The following BIK variants were observed in gnomAD, a reference collection of about 807,000 sequenced individuals.
The protein encoded by BIK is BCL2 interacting killer, also known as bcl-2-interacting killer.
In BIK, 14 loss-of-function variants were observed where a neutral mutation model predicts 12.1. That is an observed-to-expected ratio of 1.16 (90% CI 0.77 to 1.81). The LOEUF (loss-of-function observed/expected upper bound fraction) is 1.81. BIK is among the 40% of genes most tolerant of loss of function. The probability of loss-of-function intolerance (pLI) is 0.00; values close to 1 mark genes in which losing one functional copy is unlikely to be tolerated. For missense variants in BIK, 215 were observed against 207.9 expected, an observed-to-expected ratio of 1.03 and a Z score of -0.21; for synonymous variants, 86 against 92.3, an observed-to-expected ratio of 0.93 and a Z score of 0.39.
chr22:43,127,878 G>A, intron 3 of BIK, 83 bp downstream of exon 3: 2 of 1,314,860 alleles, frequency 1.5e-6, no homozygotes, highest in Non-Finnish European at 2.1e-6. Context: ...GCACAGGGCT[G>A]GGCCCTGAGG....
rs1039226514 is a variant in BIK at position 43,129,238 on chromosome 22, C to T, written c.416C>T (p.Ala139Val). Reference protein sequence around the residue: ...SWVSCEQVLLALLLLLALLLP... With the variant: ...SWVSCEQVLLVLLLLLALLLP... The stretch of plus-strand genomic sequence containing the variant: ...GTGTCCTGCGAACAGGTGCTGCTGG[C>T]GCTGCTGCTGCTGCTGGCGCTGCTG... The change falls in exon 5 of 5, where the codon GCG becomes GTG. Residue 139 changes from alanine (A) to valine (V), a missense_variant. Transcript: ENST00000216115. The T allele has an allele frequency of 9.5e-6, 15 of 1,585,908 alleles. No individual in the cohort carries two copies. The highest frequency in any genetic ancestry group is 2.2e-5 in the East Asian group (1 of 44,676).
At chr22:43,127,626 G>A (rs1389002869) in intron 2 of BIK, 71 bp from the exon 3 acceptor site, 2 of 1,376,582 alleles carry the variant, frequency 1.5e-6, no homozygotes, top group Non-Finnish European at 2.0e-6. Flanking sequence ...CAATCCGTTG[G>A]CTGGGTGGGT....
intron 4 of BIK, 38 bp from the exon 5 acceptor site, chr22:43,129,175 C>A (rs772466326): frequency 1.9e-6 from 3 of 1,601,212 alleles, no homozygotes; most frequent in Non-Finnish European, 2.5e-6. Flanking sequence ...ATTGCCGGGG[C>A]CTGCCCCGAG....
rs4988381 is a variant in BIK, at chr22:43,112,029, AGTTT to A, written c.-8+1230_-8+1233del. Among the ~76,000 whole-genome samples, 352 of 152,168 alleles carry A rather than the reference AGTTT, an allele frequency of 2.3e-3. 3 individuals carry two copies. The highest frequency in any genetic ancestry group is 7.6e-3 in the African/African-American group (314 of 41,524). On this transcript the variant is annotated intron_variant, in intron 1 of 4. Coordinates refer to ENST00000216115, the MANE Select transcript of BIK (RefSeq NM_001197.5). ...GGGCCACTCCATCTCTCTGAACCTC[AGTTT>A]GTTCTGTTCACTCTGCAAAATGTAT...
intron 1 of BIK, among the ~76,000 whole-genome samples, chr22:43,111,626 A>G (rs1930013986): frequency 6.6e-6 from 1 of 152,046 alleles, no homozygotes; most frequent in African/African-American, 2.4e-5. Flanking sequence ...TTCATTGTCA[A>G]TTTTGCTAGA....
intron 1 of BIK, among the ~76,000 whole-genome samples, chr22:43,112,422 C>T (rs1930029075): frequency 6.6e-6 from 1 of 151,974 alleles, no homozygotes; most frequent in Admixed American, 6.6e-5. Flanking sequence ...TAGTCTCGAA[C>T]TCCTGACCTC....
chr22:43,129,098 G>A lies in BIK; in HGVS notation c.391-115G>A. 6 of 1,558,248 alleles carry A rather than the reference G, an allele frequency of 3.9e-6. No homozygotes were observed. In the South Asian group the frequency reaches 4.5e-5, roughly 12 times the overall value. On this transcript the variant is annotated intron_variant, in intron 4 of 4. Coordinates refer to ENST00000216115, the MANE Select transcript of BIK (RefSeq NM_001197.5). ...AACTCCTTCCTTCTCTGGTCCCCTCGAGCTCCTTCCCAGTCCCCACCCTCC... is the reference window on the plus strand; with the variant it reads ...AACTCCTTCCTTCTCTGGTCCCCTCAAGCTCCTTCCCAGTCCCCACCCTCC...
intron 2 of BIK, among the ~76,000 whole-genome samples, chr22:43,125,694 C>G (rs1200079022): frequency 6.6e-6 from 1 of 151,660 alleles, no homozygotes; most frequent in Non-Finnish European, 1.5e-5. Context: ...TGCACTCCAG[C>G]CTGGGTAACA....
In BIK at chr22:43,129,244, TGCTGCTGCTGGC is replaced by T. The variant is rs762326871; in HGVS notation, c.433_444del (p.Ala145_Leu148del). 163 of 1,584,008 alleles carry T rather than the reference TGCTGCTGCTGGC, an allele frequency of 1.0e-4. No individual in the cohort carries two copies. The highest frequency in any genetic ancestry group is 1.8e-4 in the African/African-American group (13 of 72,932). On this transcript the variant is annotated inframe_deletion, in exon 5 of 5. Coordinates refer to ENST00000216115, the MANE Select transcript of BIK (RefSeq NM_001197.5). ...TGCGAACAGGTGCTGCTGGCGCTGC[TGCTGCTGCTGGC>T]GCTGCTGCTGCCGCTGCTCAGCGGG...
rs755584936 is a variant in BIK at position 43,127,844 on chromosome 22, C to G, written c.260+49C>G. The stretch of plus-strand genomic sequence containing the variant: ...TCTACACCTGGGGAGGGGCCCTGGG[C>G]GGTGGGTGGAGGCCCTGAACACAGC... On this transcript the variant is annotated intron_variant, in intron 3 of 4. Coordinates refer to ENST00000216115, the MANE Select transcript of BIK (RefSeq NM_001197.5). 2.0e-6 allele frequency: 3 copies of G among 1,510,494 alleles called. No homozygotes were observed. In the East Asian group the frequency reaches 7.5e-5, roughly 38 times the overall value. The allele number at this position is 1,510,494 out of a possible 1,614,324, so 93.6% of individuals were successfully genotyped here. A position where few individuals can be genotyped will look rare whatever the true frequency, so the allele number is the denominator to read the frequency against.
chr22:43,124,785 G>C (rs140669417), intron 2 of BIK, among the ~76,000 whole-genome samples: 2 of 151,712 alleles, frequency 1.3e-5, no homozygotes, highest in Non-Finnish European at 1.5e-5. Context: ...CCAGCTAGTC[G>C]GGAGGCTGAG....
At chr22:43,117,349 A>G (rs1175546330) in intron 1 of BIK, among the ~76,000 whole-genome samples, 1 of 151,356 alleles carries the variant, frequency 6.6e-6, no homozygotes, top group Non-Finnish European at 1.5e-5. Context: ...AACAAGGTAC[A>G]TACTACGGAT....
chr22:43,126,619 G>T (rs1319942183), intron 2 of BIK, among the ~76,000 whole-genome samples: 1 of 152,122 alleles, frequency 6.6e-6, no homozygotes, highest in East Asian at 1.9e-4. Context: ...GCTTTCTGCT[G>T]GGGAATCCTG....
chr22:43,120,161 G>T (rs901273066), intron 1 of BIK, among the ~76,000 whole-genome samples: 1 of 152,134 alleles, frequency 6.6e-6, no homozygotes, highest in Non-Finnish European at 1.5e-5. Context: ...AGGGCCACAG[G>T]GGGAGGGCCT....
chr22:43,127,580 C>A (rs1930341831), intron 2 of BIK, 117 bp from the exon 3 acceptor site: 5 of 885,836 alleles, frequency 5.6e-6, no homozygotes, highest in Non-Finnish European at 8.6e-6. Flanking sequence ...AAATCTGACA[C>A]CATCTCTTAT....
intron 1 of BIK, among the ~76,000 whole-genome samples, chr22:43,114,933 T>A (rs1930082776): frequency 6.6e-6 from 1 of 152,100 alleles, no homozygotes; most frequent in Admixed American, 6.5e-5. Context: ...CAGTCCAGGG[T>A]CTCCCAGCCA....
intron 1 of BIK, among the ~76,000 whole-genome samples, chr22:43,114,750 G>A (rs1034100474): frequency 5.9e-5 from 9 of 152,242 alleles, no homozygotes; most frequent in African/African-American, 1.4e-4. Flanking sequence ...AGCTCGGACC[G>A]TGAGGTGGTC....
intron 2 of BIK, among the ~76,000 whole-genome samples, chr22:43,125,273 A>T (rs887452640): frequency 6.6e-6 from 1 of 152,148 alleles, no homozygotes; most frequent in African/African-American, 2.4e-5. Flanking sequence ...TCTTATGCTG[A>T]TGTCCTATCT....
chr22:43,114,075 G>A (rs577760730), intron 1 of BIK, among the ~76,000 whole-genome samples: 4 of 152,170 alleles, frequency 2.6e-5, no homozygotes, highest in Non-Finnish European at 5.9e-5. Context: ...CAGGAGAGGG[G>A]CGGGCACACA....
Sources: allele counts gnomAD v4.1 joint callset (sites outside exome capture counted in the v4.1 genomes callset), GRCh38; gene constraint gnomAD v4.1.1; transcripts MANE v1.5; gene names NCBI Gene and HGNC (gene_info 2026-07-23, HGNC 2026-07-21).